Variants in P2RY2 observed in about 807,000 individuals in gnomAD.
P2RY2 encodes the protein purinergic receptor P2Y2.
For missense variants in P2RY2, 567 were observed against 515.7 expected, an observed-to-expected ratio of 1.10 and a Z score of -0.96; for synonymous variants, 241 against 231.9, an observed-to-expected ratio of 1.04 and a Z score of -0.35.
At position 73,234,830 on chromosome 11, in the gene P2RY2, G is replaced by A; in HGVS notation, c.671G>A (p.Arg224Gln). Residue 224 changes from arginine (R) to glutamine (Q), a missense_variant, in exon 3 of 3, where the codon CGA becomes CAA. Arg to Gln is a conservative substitution (Grantham distance 43). Transcript: ENST00000393597. ...ILVCYVLMAR[R>Q]LLKPAYGTSG... ...GTCTGTTACGTGCTCATGGCTCGGC[G>A]ACTGCTAAAGCCAGCCTACGGGACC... 4 of 1,611,158 alleles carry A rather than the reference G, an allele frequency of 2.5e-6. No homozygotes were observed. Among genetic ancestry groups the A allele is most frequent in the Non-Finnish European group, 3.4e-6 (4 of 1,179,946 alleles).
At chr11:73,226,816 C>T (rs1790082) in intron 1 of P2RY2, among the ~76,000 whole-genome samples, 144,887 of 152,208 alleles carry the variant, frequency 0.95, 69,392 homozygotes, top group East Asian at 1. Flanking sequence ...ACAAAAACCA[C>T]GGCCAGAATT....
chr11:73,229,215 T>C (rs900153156), intron 2 of P2RY2, among the ~76,000 whole-genome samples: 1 of 152,022 alleles, frequency 6.6e-6, no homozygotes, highest in East Asian at 1.9e-4. Context: ...GATTAGAAGA[T>C]CCTTTGGGAC....
chr11:73,219,261 G>C (rs1273975475), intron 1 of P2RY2, among the ~76,000 whole-genome samples: 2 of 152,190 alleles, frequency 1.3e-5, no homozygotes, highest in Non-Finnish European at 2.9e-5. Context: ...GAGTTTTGAG[G>C]ATCTGGGTGG....
Position 73,236,838 on chromosome 11 carries a change from T to C in P2RY2, c.*1545T>C. The C allele has an allele frequency of 1.0e-6, 1 of 985,440 alleles. No individual in the cohort carries two copies. Among genetic ancestry groups the C allele is most frequent in the Non-Finnish European group, 1.2e-6 (1 of 829,918 alleles). 61.0% of individuals were successfully genotyped at this position (985,440 alleles called of 1,614,324 possible). A position where few individuals can be genotyped will look rare whatever the true frequency, so the allele number is the denominator to read the frequency against. On this transcript the variant is annotated 3_prime_UTR_variant, in exon 3 of 3. Transcript: ENST00000393597. ...TCTCACCTATGATAGGTTCTGAGTC[T>C]AGCCAGGACCACTCTGGGCTGACGT...
intron 1 of P2RY2, among the ~76,000 whole-genome samples, chr11:73,219,471 G>A (rs1436354946): frequency 3.3e-5 from 5 of 152,224 alleles, no homozygotes; most frequent in Non-Finnish European, 7.3e-5. Context: ...TAAGGAATTT[G>A]AGGGCTGTTG....
At chr11:73,228,418 A>G (rs1370914551) in intron 2 of P2RY2, among the ~76,000 whole-genome samples, 1 of 152,184 alleles carries the variant, frequency 6.6e-6, no homozygotes, top group Non-Finnish European at 1.5e-5. Context: ...CTTAACCTCT[A>G]TGGCAATATC....
chr11:73,223,149 G>T (rs1205859327), intron 1 of P2RY2, among the ~76,000 whole-genome samples: 1 of 152,208 alleles, frequency 6.6e-6, no homozygotes, highest in Non-Finnish European at 1.5e-5. Flanking sequence ...CTTGGAATTA[G>T]ACTGCGAGAA....
In P2RY2 at chr11:73,236,829, T is replaced by A. The variant is rs1159918282; in HGVS notation, c.*1536T>A. On this transcript the variant is annotated 3_prime_UTR_variant, in exon 3 of 3. Transcript: ENST00000393597. ...GGAGATGGGTCTCACCTATGATAGG[T>A]TCTGAGTCTAGCCAGGACCACTCTG... 5 of 985,210 alleles carry A rather than the reference T, an allele frequency of 5.1e-6. No homozygotes were observed. Among genetic ancestry groups the A allele is most frequent in the East Asian group, 1.1e-4 (1 of 8,820 alleles). 61.0% of individuals were successfully genotyped at this position (985,210 alleles called of 1,614,324 possible). A position where few individuals can be genotyped will look rare whatever the true frequency, so the allele number is the denominator to read the frequency against.
chr11:73,241,751 T>A lies in P2RY2; in HGVS notation c.*6458T>A, dbSNP rs933100389. On this transcript the variant is annotated 3_prime_UTR_variant, in exon 3 of 3. Coordinates refer to ENST00000393597, the MANE Select transcript of P2RY2 (RefSeq NM_002564.4). ...GGGAGGAAAGGGACCAATGTGTCTT[T>A]CCTGGTGATGCTACAGCCCTCTCTT... The A allele has an allele frequency of 6.6e-6, 1 of 152,328 alleles. No homozygotes were observed. Among genetic ancestry groups the A allele is most frequent in the Non-Finnish European group, 1.5e-5 (1 of 68,168 alleles). 9.4% of individuals were successfully genotyped at this position (152,328 alleles called of 1,614,324 possible). A position where few individuals can be genotyped will look rare whatever the true frequency, so the allele number is the denominator to read the frequency against.
chr11:73,236,469 G>A lies in P2RY2; in HGVS notation c.*1176G>A. ...AGGGGGTCAGGGAAGGGTTCCTGGA[G>A]TGGGAGACTCCTGAGCTGTAGCTTC... On this transcript the variant is annotated 3_prime_UTR_variant, in exon 3 of 3. Coordinates refer to ENST00000393597, the MANE Select transcript of P2RY2 (RefSeq NM_002564.4). 1.2e-6 allele frequency: 1 copy of A among 840,068 alleles called. No individual in the cohort carries two copies. Among genetic ancestry groups the A allele is most frequent in the Non-Finnish European group, 1.4e-6 (1 of 695,536 alleles). 52.0% of individuals were successfully genotyped at this position (840,068 alleles called of 1,614,324 possible).
Position 73,235,458 on chromosome 11 carries a change from A to C in P2RY2, c.*165A>C. ...GCTCAGGATATTCACTCTGTGGTCCAGAGTCAACTGTTCCCATAACCCCTA... is the reference window on the plus strand; with the variant it reads ...GCTCAGGATATTCACTCTGTGGTCCCGAGTCAACTGTTCCCATAACCCCTA... On this transcript the variant is annotated 3_prime_UTR_variant, in exon 3 of 3. Coordinates refer to ENST00000393597, the MANE Select transcript of P2RY2 (RefSeq NM_002564.4). 2 of 1,384,998 alleles carry C rather than the reference A, an allele frequency of 1.4e-6. No homozygotes were observed. Among genetic ancestry groups the C allele is most frequent in the Non-Finnish European group, 1.9e-6 (2 of 1,067,558 alleles). The allele number at this position is 1,384,998 out of a possible 1,614,324, so 85.8% of individuals were successfully genotyped here.
At position 73,235,609 on chromosome 11, in the gene P2RY2, G is replaced by C. The variant is rs185386539; in HGVS notation, c.*316G>C. On this transcript the variant is annotated 3_prime_UTR_variant, in exon 3 of 3. Transcript: ENST00000393597. Reference sequence around the variant, plus strand: ...CTGTACTGCCAAGGTACCTAGGTTGGAGTCCAGCCTAATCAAGTCAAATGG... The same window carrying C: ...CTGTACTGCCAAGGTACCTAGGTTGCAGTCCAGCCTAATCAAGTCAAATGG... The C allele has an allele frequency of 5.2e-5, 57 of 1,089,444 alleles. No homozygotes were observed. The Middle Eastern group carries it at 3.3e-3, about 63-fold the overall frequency. The allele number at this position is 1,089,444 out of a possible 1,614,324, so 67.5% of individuals were successfully genotyped here. A position where few individuals can be genotyped will look rare whatever the true frequency, so the allele number is the denominator to read the frequency against.
At chr11:73,226,897 CT>C (rs1862293590) in intron 1 of P2RY2, among the ~76,000 whole-genome samples, 3 of 152,188 alleles carry the variant, frequency 2.0e-5, no homozygotes, top group Admixed American at 2.0e-4. Flanking sequence ...GTTTCCTCCT[CT>C]GTGAAACAGG....
rs781019993 is a variant in P2RY2, at chr11:73,219,096, G to A, written c.-200+664G>A. Reference sequence around the variant, plus strand: ...GGCCCTCTTGGGGTCCTCCAGGAGCGCAGCCCAAGGGTTGGGGACTGCTGG... The same window carrying A: ...GGCCCTCTTGGGGTCCTCCAGGAGCACAGCCCAAGGGTTGGGGACTGCTGG... On this transcript the variant is annotated intron_variant, in intron 1 of 2. Coordinates refer to ENST00000393597, the MANE Select transcript of P2RY2 (RefSeq NM_002564.4). Among the ~76,000 whole-genome samples the A allele has an allele frequency of 1.1e-4, 16 of 152,304 alleles. No homozygotes were observed. The South Asian group carries it at 1.2e-3, about 12-fold the overall frequency.
chr11:73,234,922 G>A lies in P2RY2; in HGVS notation c.763G>A (p.Ala255Thr), dbSNP rs1241008063. ...CATCGCCGTGGTGCTGGCTGTCTTCGCCCTCTGCTTCCTGCCATTCCACGT... is the reference window on the plus strand; with the variant it reads ...CATCGCCGTGGTGCTGGCTGTCTTCACCCTCTGCTTCCTGCCATTCCACGT... ...RTIAVVLAVFALCFLPFHVTR... is the reference protein window; with the variant it reads ...RTIAVVLAVFTLCFLPFHVTR... Residue 255 changes from alanine (A) to threonine (T), a missense_variant, in exon 3 of 3, where the codon GCC becomes ACC. Transcript: ENST00000393597. 17 of 1,610,800 alleles carry A rather than the reference G, an allele frequency of 1.1e-5. No individual in the cohort carries two copies. The East Asian group carries it at 1.6e-4, about 15-fold the overall frequency.
At chr11:73,227,134 T>A (rs994147770) in intron 1 of P2RY2, among the ~76,000 whole-genome samples, 1 of 152,120 alleles carries the variant, frequency 6.6e-6, no homozygotes, top group African/African-American at 2.4e-5. Flanking sequence ...TGTGTCCATG[T>A]GTTCTCATTG....
At chr11:73,220,920 C>T (rs1486295082) in intron 1 of P2RY2, among the ~76,000 whole-genome samples, 2 of 152,126 alleles carry the variant, frequency 1.3e-5, no homozygotes, top group African/African-American at 2.4e-5. Flanking sequence ...CCCATGAGAG[C>T]TTTGACTTAA....
Position 73,234,514 on chromosome 11 carries a change from T to C in P2RY2, c.355T>C (p.Cys119Arg), listed in dbSNP as rs1267528545. Residue 119 changes from cysteine to arginine, a missense_variant, in exon 3 of 3, where the codon TGC (cysteine) becomes CGC (arginine). Transcript: ENST00000393597. ...VRFLFYTNLYCSILFLTCISV... is the reference protein window; with the variant it reads ...VRFLFYTNLYRSILFLTCISV... The stretch of plus-strand genomic sequence containing the variant: ...CTTCCTCTTCTACACCAACCTTTAC[T>C]GCAGCATCCTCTTCCTCACCTGCAT... 9 of 1,612,358 alleles carry C rather than the reference T, an allele frequency of 5.6e-6. No homozygotes were observed. The African/African-American group carries it at 9.3e-5, about 17-fold the overall frequency.
chr11:73,229,250 G>A (rs1258529142), intron 2 of P2RY2, among the ~76,000 whole-genome samples: 1 of 152,156 alleles, frequency 6.6e-6, no homozygotes, highest in Non-Finnish European at 1.5e-5. Flanking sequence ...AGTGTGGGTG[G>A]GTTCGGGGAA....
Sources: gnomAD v4.1 joint callset for allele counts (sites outside exome capture counted in the v4.1 genomes callset) on GRCh38, gnomAD v4.1.1 for gene constraint, MANE v1.5 for transcripts, NCBI Gene and HGNC (gene_info 2026-07-23, HGNC 2026-07-21) for gene names.